Variants in LSAMP observed in about 807,000 individuals in gnomAD.
LSAMP encodes the protein limbic system-associated membrane protein.
LSAMP carries 7 observed loss-of-function variants against 38.6 expected under a neutral mutation model. That is an observed-to-expected ratio of 0.18 (90% confidence interval 0.10 to 0.34). The LOEUF (loss-of-function observed/expected upper bound fraction) is 0.34. Among genes scored for constraint, LSAMP ranks in the 10% least tolerant of loss-of-function variants. The pLI is 1.00. For missense variants in LSAMP, 313 were observed against 420.0 expected (o/e 0.75, Z 2.23); for synonymous variants, 154 against 166.8 (o/e 0.92, Z 0.59).
intron 1 of LSAMP, among the ~76,000 whole-genome samples, chr3:116,281,027 A>T (rs1265556420): frequency 6.6e-6 from 1 of 152,192 alleles, no homozygotes; most frequent in Non-Finnish European, 1.5e-5. Flanking sequence ...GAAAGAGTGA[A>T]AGGAAAATAG....
At position 116,273,973 on chromosome 3, in the gene LSAMP, G is replaced by C. The variant is rs2047014342; in HGVS notation, c.155+170904C>G. Reference sequence around the variant, plus strand: ...ACCACTAAGGTTCCTCCAAGTTTAAGATTCTCCACTGCTTCCTATCTGTTA... The same window carrying C: ...ACCACTAAGGTTCCTCCAAGTTTAACATTCTCCACTGCTTCCTATCTGTTA... On this transcript the variant is annotated intron_variant, in intron 1 of 6. Coordinates refer to ENST00000490035, the MANE Select transcript of LSAMP (RefSeq NM_002338.5). Among the ~76,000 whole-genome samples the C allele has an allele frequency of 4.6e-5, 7 of 151,736 alleles. No homozygotes were observed. In the South Asian group the frequency reaches 1.5e-3, roughly 32 times the overall value.
rs545379596 is a variant in LSAMP at position 115,852,374 on chromosome 3, A to G, written c.649+109T>C. The G allele has an allele frequency of 1.5e-5, 19 of 1,293,310 alleles. No individual in the cohort carries two copies. The African/African-American group carries it at 2.4e-4, about 16-fold the overall frequency. The allele number at this position is 1,293,310 out of a possible 1,614,324, so 80.1% of individuals were successfully genotyped here. A position where few individuals can be genotyped will look rare whatever the true frequency, so the allele number is the denominator to read the frequency against. On this transcript the variant is annotated intron_variant, in intron 4 of 6. Transcript: ENST00000490035. Reference sequence around the variant, plus strand: ...ATAAATGTGCATTCCTGGCCAGAGGAGCATCTGCTTGAAATACAATGTTCT... The same window carrying G: ...ATAAATGTGCATTCCTGGCCAGAGGGGCATCTGCTTGAAATACAATGTTCT...
At chr3:116,396,150 T>C (rs1191219531) in intron 1 of LSAMP, among the ~76,000 whole-genome samples, 1 of 152,220 alleles carries the variant, frequency 6.6e-6, no homozygotes, top group African/African-American at 2.4e-5. Context: ...GCTACCAGGC[T>C]GATTTACTGA....
chr3:116,062,365 C>T (rs765812874), intron 2 of LSAMP, among the ~76,000 whole-genome samples: 12 of 152,042 alleles, frequency 7.9e-5, no homozygotes, highest in East Asian at 1.9e-4. Flanking sequence ...AAAAATTAGC[C>T]GGGCGTGGTG....
At chr3:116,209,260 G>A (rs564227036) in intron 1 of LSAMP, among the ~76,000 whole-genome samples, 1,645 of 152,152 alleles carry the variant, frequency 0.011, 11 homozygotes, top group African/African-American at 0.017. Context: ...GCTTTGGCTC[G>A]CGCACGGTGC....
intron 1 of LSAMP, among the ~76,000 whole-genome samples, chr3:116,227,866 A>C (rs1191599281): frequency 6.6e-6 from 1 of 152,170 alleles, no homozygotes; most frequent in East Asian, 1.9e-4. Flanking sequence ...ATAGAAATTC[A>C]GTCAGACTGA....
intron 1 of LSAMP, among the ~76,000 whole-genome samples, chr3:116,316,685 C>T (rs2047632928): frequency 6.8e-6 from 1 of 147,840 alleles, no homozygotes; most frequent in Non-Finnish European, 1.5e-5. Flanking sequence ...GCAGGAGAAT[C>T]GTTTGAACCC....
intron 1 of LSAMP, among the ~76,000 whole-genome samples, chr3:116,127,881 T>A (rs1211641373): frequency 6.6e-6 from 1 of 152,086 alleles, no homozygotes; most frequent in Non-Finnish European, 1.5e-5. Context: ...CCACTATTTT[T>A]AAAGATTAAC....
chr3:116,404,517 G>A (rs2048877542), intron 1 of LSAMP, among the ~76,000 whole-genome samples: 1 of 152,190 alleles, frequency 6.6e-6, no homozygotes, highest in African/African-American at 2.4e-5. Context: ...GATGGTGAAT[G>A]GATGAATGTG....
At chr3:116,327,279 G>T (rs79760556) in intron 1 of LSAMP, among the ~76,000 whole-genome samples, 3,929 of 152,224 alleles carry the variant, frequency 0.026, 158 homozygotes, top group African/African-American at 0.086. Flanking sequence ...TCATGCCCAT[G>T]TTCCTGCATT....
chr3:115,919,026 T>C (rs1249684138), intron 3 of LSAMP, among the ~76,000 whole-genome samples: 2 of 152,158 alleles, frequency 1.3e-5, no homozygotes, highest in East Asian at 1.9e-4. Context: ...TCTTGGGAGA[T>C]GGACTAAGAG....
intron 6 of LSAMP, among the ~76,000 whole-genome samples, chr3:115,826,891 G>A (rs1041010882): frequency 6.7e-6 from 1 of 150,140 alleles, no homozygotes; most frequent in Non-Finnish European, 1.5e-5. Context: ...TACTATTTAC[G>A]AGTTAGAATG....
intron 3 of LSAMP, among the ~76,000 whole-genome samples, chr3:115,904,323 G>A (rs1306074845): frequency 4.6e-5 from 7 of 151,830 alleles, no homozygotes. Context: ...ATGTAACTTA[G>A]AAAAAGGGAT....
intron 3 of LSAMP, among the ~76,000 whole-genome samples, chr3:115,965,495 AATAGAAC>A (rs1938773435): frequency 6.6e-6 from 1 of 151,924 alleles, no homozygotes; most frequent in Non-Finnish European, 1.5e-5. Context: ...TTTAAGTCAT[AATAGAAC>A]AGATTAATAA....
intron 1 of LSAMP, among the ~76,000 whole-genome samples, chr3:116,156,595 T>C (rs1020402613): frequency 2.0e-5 from 3 of 152,136 alleles, no homozygotes; most frequent in Admixed American, 6.6e-5. Context: ...TTCAAAGTGC[T>C]ACATTTTTTC....
chr3:116,070,870 A>G (rs987522932), intron 2 of LSAMP, among the ~76,000 whole-genome samples: 2 of 151,992 alleles, frequency 1.3e-5, no homozygotes, highest in Admixed American at 1.3e-4. Context: ...GAGAAACCCC[A>G]TCTCTACTAA....
intron 3 of LSAMP, among the ~76,000 whole-genome samples, chr3:115,911,964 A>G (rs538003794): frequency 6.6e-6 from 1 of 152,198 alleles, no homozygotes; most frequent in African/African-American, 2.4e-5. Context: ...CTTAACATCT[A>G]TATAACCTCG....
intron 1 of LSAMP, among the ~76,000 whole-genome samples, chr3:116,155,293 C>T (rs1200006417): frequency 6.6e-6 from 1 of 151,876 alleles, no homozygotes; most frequent in Admixed American, 6.6e-5. Flanking sequence ...GGCATGATCT[C>T]GGCTCACTGC....
intron 3 of LSAMP, among the ~76,000 whole-genome samples, chr3:115,947,157 T>A (rs1464286065): frequency 6.6e-6 from 1 of 152,158 alleles, no homozygotes; most frequent in Non-Finnish European, 1.5e-5. Flanking sequence ...CACAATCTGA[T>A]ATAGAGGATT....
Sources: allele counts gnomAD v4.1 joint callset (sites outside exome capture counted in the v4.1 genomes callset), GRCh38; gene constraint gnomAD v4.1.1; transcripts MANE v1.5; gene names NCBI Gene and HGNC (gene_info 2026-07-23, HGNC 2026-07-21).